Variants in MARCHF1 observed in about 807,000 individuals in gnomAD.
The protein encoded by MARCHF1 is membrane associated ring-CH-type finger 1.
In MARCHF1, 40 loss-of-function variants were observed where a neutral mutation model predicts 54.2. The ratio of observed to expected loss-of-function variants is 0.74; its 90% CI spans 0.57 to 0.96. The LOEUF (loss-of-function observed/expected upper bound fraction) is 0.96, where lower values mean the gene tolerates loss of function less well. MARCHF1 is among the 40% of genes least tolerant of loss of function. The pLI, the probability that MARCHF1 is intolerant of heterozygous loss-of-function variation, is 0.00. For synonymous variants in MARCHF1, 236 were observed against 236.3 expected, an observed-to-expected ratio of 1.00 and a Z score of 0.01; for missense variants, 586 against 656.5, an observed-to-expected ratio of 0.89 and a Z score of 1.17.
chr4:164,040,959 A>G (rs1754116576), intron 2 of MARCHF1, among the ~76,000 whole-genome samples: 2 of 152,120 alleles, frequency 1.3e-5, no homozygotes, highest in Admixed American at 1.3e-4. Flanking sequence ...TGCATATTTT[A>G]GTGAAATATA....
At chr4:164,227,958 C>G (rs566232363) in intron 1 of MARCHF1, among the ~76,000 whole-genome samples, 29 of 152,064 alleles carry the variant, frequency 1.9e-4, no homozygotes, top group African/African-American at 6.5e-4. Flanking sequence ...AGAAATGTAA[C>G]CTTGGACAAC....
chr4:164,015,416 C>G (rs1173820418), intron 2 of MARCHF1, among the ~76,000 whole-genome samples: 2 of 151,986 alleles, frequency 1.3e-5, no homozygotes, highest in African/African-American at 4.8e-5. Flanking sequence ...TGAGTAACAC[C>G]TTAAAAACAC....
chr4:164,189,302 T>C (rs908434036), intron 1 of MARCHF1: 15 of 594,378 alleles, frequency 2.5e-5, no homozygotes, highest in African/African-American at 2.1e-4. Context: ...AGAATTGAAA[T>C]TGAGTCCTTC....
intron 5 of MARCHF1, among the ~76,000 whole-genome samples, chr4:163,628,916 GA>G (rs1741969246): frequency 6.6e-6 from 1 of 152,130 alleles, no homozygotes; most frequent in African/African-American, 2.4e-5. Context: ...CAAACAAATG[GA>G]AAAACATTCC....
intron 2 of MARCHF1, among the ~76,000 whole-genome samples, chr4:164,067,342 G>C (rs755610780): frequency 1.3e-5 from 2 of 152,120 alleles, no homozygotes; most frequent in Non-Finnish European, 2.9e-5. Flanking sequence ...ATACTATAAG[G>C]CTAGAGTAAA....
intron 5 of MARCHF1, among the ~76,000 whole-genome samples, chr4:163,625,379 T>C (rs1205381998): frequency 6.6e-6 from 1 of 152,182 alleles, no homozygotes; most frequent in East Asian, 1.9e-4. Context: ...CACTACCACT[T>C]TGAGAAAAAA....
chr4:163,624,132 C>T (rs1741784903), intron 5 of MARCHF1, among the ~76,000 whole-genome samples: 1 of 152,114 alleles, frequency 6.6e-6, no homozygotes, highest in Non-Finnish European at 1.5e-5. Flanking sequence ...TAAGGCTATG[C>T]AGTTGTTAAC....
chr4:164,332,392 G>A (rs1277701010), intron 1 of MARCHF1, among the ~76,000 whole-genome samples: 1 of 152,182 alleles, frequency 6.6e-6, no homozygotes, highest in Non-Finnish European at 1.5e-5. Flanking sequence ...TAATTAGTAT[G>A]AGTTGCTCTA....
intron 4 of MARCHF1, among the ~76,000 whole-genome samples, chr4:163,744,580 TAA>T (rs1219094856): frequency 1.3e-5 from 2 of 152,230 alleles, no homozygotes; most frequent in African/African-American, 2.4e-5. Flanking sequence ...CAAATAAATA[TAA>T]GTGTCCAGAA....
chr4:163,797,364 T>C (rs1042511982), intron 4 of MARCHF1, among the ~76,000 whole-genome samples: 4 of 151,872 alleles, frequency 2.6e-5, no homozygotes, highest in African/African-American at 9.7e-5. Flanking sequence ...TGTGTGTGTG[T>C]GTGTGTGTGC....
At chr4:164,092,224 G>A (rs1462561651) in intron 2 of MARCHF1, among the ~76,000 whole-genome samples, 1 of 152,084 alleles carries the variant, frequency 6.6e-6, no homozygotes, top group Admixed American at 6.6e-5. Flanking sequence ...CCATCATGAT[G>A]TGAACAGAGA....
intron 5 of MARCHF1, among the ~76,000 whole-genome samples, chr4:163,629,028 T>C (rs1170573492): frequency 1.3e-5 from 2 of 152,180 alleles, no homozygotes; most frequent in Non-Finnish European, 2.9e-5. Flanking sequence ...AATGACTTTC[T>C]TCACAGAATT....
chr4:163,744,597 A>G (rs1561053970), intron 4 of MARCHF1, among the ~76,000 whole-genome samples: 1 of 152,210 alleles, frequency 6.6e-6, no homozygotes, highest in Non-Finnish European at 1.5e-5. Flanking sequence ...CCAGAATAAT[A>G]CCTGTCAAAT....
intron 1 of MARCHF1, among the ~76,000 whole-genome samples, chr4:164,306,444 T>G (rs867521421): frequency 2.0e-5 from 3 of 152,142 alleles, no homozygotes; most frequent in African/African-American, 7.2e-5. Context: ...TTCCCTATAT[T>G]TGCCATATCA....
chr4:164,236,165 T>C lies in MARCHF1; in HGVS notation c.-322-124503A>G, dbSNP rs552156666. ...ACAAATTTTGTCAGTCCCACTAGTT[T>C]ATGCTCTATAAAGCCTCTTGAACAC... is the stretch of plus-strand genomic sequence containing the variant. On this transcript the variant is annotated intron_variant, in intron 1 of 9. Transcript: ENST00000514618. Among the ~76,000 whole-genome samples the C allele has an allele frequency of 1.3e-4, 20 of 152,264 alleles. No homozygotes were observed. The South Asian group carries it at 1.9e-3, about 14-fold the overall frequency.
At chr4:163,556,640 A>G (rs992736813) in intron 8 of MARCHF1, among the ~76,000 whole-genome samples, 1 of 152,086 alleles carries the variant, frequency 6.6e-6, no homozygotes, top group Middle Eastern at 3.4e-3. Flanking sequence ...ATAAAACAGA[A>G]TATATATTTG....
chr4:163,805,262 G>A (rs1414548509), intron 4 of MARCHF1, among the ~76,000 whole-genome samples: 3 of 151,778 alleles, frequency 2.0e-5, no homozygotes, highest in Non-Finnish European at 4.4e-5. Context: ...TTACAGCTTA[G>A]TTATTAATTT....
chr4:164,219,424 G>A (rs899714471), intron 1 of MARCHF1, among the ~76,000 whole-genome samples: 4 of 152,032 alleles, frequency 2.6e-5, no homozygotes, highest in Admixed American at 6.6e-5. Flanking sequence ...CTTCAAAGTA[G>A]TGATATATGA....
chr4:163,662,287 T>A (rs1743369962), intron 5 of MARCHF1, among the ~76,000 whole-genome samples: 1 of 152,002 alleles, frequency 6.6e-6, no homozygotes, highest in South Asian at 2.1e-4. Flanking sequence ...GTACTGTTTT[T>A]ATTTCTTATT....
Sources: gnomAD v4.1 joint callset for allele counts (sites outside exome capture counted in the v4.1 genomes callset) on GRCh38, gnomAD v4.1.1 for gene constraint, MANE v1.5 for transcripts, NCBI Gene and HGNC (gene_info 2026-07-23, HGNC 2026-07-21) for gene names.